The following ORMDL1 variants were observed in gnomAD, a reference collection of about 807,000 sequenced individuals.
ORMDL1 encodes ORMDL sphingolipid biosynthesis regulator 1.
In ORMDL1, 10 loss-of-function variants were observed where a neutral mutation model predicts 13.0. The ratio of observed to expected loss-of-function variants is 0.77; its 90% CI spans 0.47 to 1.30. ORMDL1 has a LOEUF of 1.30. ORMDL1 is among the 50% of genes most tolerant of loss of function. The pLI is 0.00. For synonymous variants in ORMDL1, 61 were observed against 63.9 expected (o/e 0.95, Z 0.22); for missense variants, 171 against 186.7 (o/e 0.92, Z 0.49).
the ORMDL1 span, chr2:189,764,154 A>G: frequency 7.2e-5 from 11 of 152,370 alleles, no homozygotes; most frequent in Non-Finnish European, 1.0e-4. Flanking sequence ...TCTAGGGTGC[A>G]CTGTTGGCCT....
At chr2:189,782,373 C>A in intron 3 of ORMDL1, 49 bp downstream of exon 3, 1 of 1,506,406 alleles carries the variant, frequency 6.6e-7, no homozygotes, top group Non-Finnish European at 9.1e-7. Context: ...TTTCCGGCAA[C>A]CACTAAACTT....
downstream of ORMDL1, among the ~76,000 whole-genome samples, chr2:189,768,914 TAA>T (rs1359709845): frequency 2.0e-5 from 3 of 152,232 alleles, no homozygotes; most frequent in Admixed American, 6.5e-5. Flanking sequence ...GACACCAATT[TAA>T]AAGTTATCTT....
intron 3 of ORMDL1, among the ~76,000 whole-genome samples, chr2:189,779,831 G>A (rs1455809989): frequency 3.3e-5 from 5 of 152,174 alleles, no homozygotes; most frequent in South Asian, 4.1e-4. Flanking sequence ...TGAGCAAATG[G>A]ATATGGAATA....
At chr2:189,780,104 G>A (rs1197157563) in intron 3 of ORMDL1, among the ~76,000 whole-genome samples, 1 of 152,162 alleles carries the variant, frequency 6.6e-6, no homozygotes, top group Non-Finnish European at 1.5e-5. Flanking sequence ...CAGGGCCCAA[G>A]TCTAAACATG....
the ORMDL1 span, chr2:189,764,521 C>T: frequency 6.6e-6 from 1 of 152,148 alleles, no homozygotes; most frequent in African/African-American, 2.4e-5. Flanking sequence ...TGTAAAGTGG[C>T]ACTTATACAA....
At chr2:189,778,076 C>T (rs1299444841) in intron 3 of ORMDL1, 2 of 412,588 alleles carry the variant, frequency 4.8e-6, no homozygotes, top group Non-Finnish European at 9.4e-6. Context: ...CATGGTCAAC[C>T]AACTTGAAAC....
At chr2:189,768,502 A>T (rs1200814855), downstream of ORMDL1, among the ~76,000 whole-genome samples, 2 of 152,242 alleles carry the variant, frequency 1.3e-5, no homozygotes, top group Non-Finnish European at 2.9e-5. Context: ...GCTAGACAAG[A>T]TGAATCAATA....
At chr2:189,776,027 T>G (rs2047688070) in intron 3 of ORMDL1, among the ~76,000 whole-genome samples, 1 of 152,184 alleles carries the variant, frequency 6.6e-6, no homozygotes, top group East Asian at 1.9e-4. Context: ...TTTCTTACAC[T>G]TTTCCTATTA....
At position 189,777,999 on chromosome 2, in the gene ORMDL1, G is replaced by A. The variant is rs145791147; in HGVS notation, c.175-2283C>T. 1.7e-4 allele frequency among the ~76,000 whole-genome samples: 26 copies of A among 152,224 alleles called. 2 individuals are homozygous for A. The East Asian group carries it at 4.2e-3, about 25-fold the overall frequency. On this transcript the variant is annotated intron_variant, in intron 3 of 4. Transcript: ENST00000392349. ...CGATGGCTAATTAAGTTTTTAGTGTGGTGAACTAATAACAAATAAATCAGA... is the reference window on the plus strand; with the variant it reads ...CGATGGCTAATTAAGTTTTTAGTGTAGTGAACTAATAACAAATAAATCAGA...
downstream of ORMDL1, among the ~76,000 whole-genome samples, chr2:189,768,682 A>G (rs2106135213): frequency 6.6e-6 from 1 of 152,374 alleles, no homozygotes; most frequent in Middle Eastern, 3.4e-3. Flanking sequence ...GTCAAAATAA[A>G]AAACTAAAGT....
downstream of ORMDL1, among the ~76,000 whole-genome samples, chr2:189,767,794 GAAAT>G (rs2047507462): frequency 2.0e-5 from 3 of 152,098 alleles, no homozygotes; most frequent in Non-Finnish European, 4.4e-5. Context: ...GTCAAGAAAT[GAAAT>G]AAATTACAGT....
At chr2:189,764,913 AC>A in the ORMDL1 span, 1 of 151,662 alleles carries the variant, frequency 6.6e-6, no homozygotes, top group East Asian at 1.9e-4. Context: ...GCTCACTACA[AC>A]CTCCACCTCC....
rs149856168 is a variant in ORMDL1, at chr2:189,777,384, C to T, written c.175-1668G>A. Among the ~76,000 whole-genome samples, 187 of 152,172 alleles carry T rather than the reference C, an allele frequency of 1.2e-3. 2 individuals are homozygous for T. The highest frequency in any genetic ancestry group is 4.0e-3 in the African/African-American group (165 of 41,524). On this transcript the variant is annotated intron_variant, in intron 3 of 4. Coordinates refer to ENST00000392349, the MANE Select transcript of ORMDL1 (RefSeq NM_016467.5). Reference sequence around the variant, plus strand: ...CAGAAAGTATATGTTTTCAAATCATCGGGGGTATAGGACCCCCAAAAAGTT... The same window carrying T: ...CAGAAAGTATATGTTTTCAAATCATTGGGGGTATAGGACCCCCAAAAAGTT...
chr2:189,768,702 C>T (rs1188012865), downstream of ORMDL1, among the ~76,000 whole-genome samples: 3 of 151,974 alleles, frequency 2.0e-5, no homozygotes, highest in African/African-American at 4.8e-5. Context: ...TGGTATTAGG[C>T]AGCATTAAAA....
downstream of ORMDL1, among the ~76,000 whole-genome samples, chr2:189,768,955 AGATTT>A (rs1391114298): frequency 1.3e-5 from 2 of 152,236 alleles, no homozygotes; most frequent in Non-Finnish European, 2.9e-5. Context: ...TGTAAAGATT[AGATTT>A]TTGACTCGAT....
intron 3 of ORMDL1, among the ~76,000 whole-genome samples, chr2:189,776,992 T>G (rs1418709381): frequency 6.6e-6 from 1 of 152,112 alleles, no homozygotes; most frequent in African/African-American, 2.4e-5. Flanking sequence ...GAGGGAAAGG[T>G]TCCTTGTTGC....
chr2:189,781,466 C>T (rs749238579), intron 3 of ORMDL1, among the ~76,000 whole-genome samples: 6 of 151,886 alleles, frequency 4.0e-5, no homozygotes, highest in Non-Finnish European at 5.9e-5. Flanking sequence ...ATGGTCAGTA[C>T]AGTCAATCAA....
intron 4 of ORMDL1, chr2:189,774,160 T>C (rs2047642431): frequency 6.6e-6 from 1 of 152,186 alleles, no homozygotes; most frequent in African/African-American, 2.4e-5. Context: ...ATGCATTCAT[T>C]CACTTATTTA....
chr2:189,766,724 CA>C (rs58840698), downstream of ORMDL1, among the ~76,000 whole-genome samples: 141,857 of 146,480 alleles, frequency 0.97, 68,692 homozygotes, highest in East Asian at 0.98. Flanking sequence ...ACTCCCGTCT[CA>C]AAAAAAAAAA....
Sources: gnomAD v4.1 joint callset for allele counts (sites outside exome capture counted in the v4.1 genomes callset) on GRCh38, gnomAD v4.1.1 for gene constraint, MANE v1.5 for transcripts, NCBI Gene and HGNC (gene_info 2026-07-23, HGNC 2026-07-21) for gene names.